Variants in CAMTA1 observed in about 807,000 individuals in gnomAD.
CAMTA1 encodes the protein calmodulin binding transcription activator 1.
CAMTA1 carries 27 observed loss-of-function variants against 170.9 expected under a neutral mutation model. The observed-to-expected ratio is 0.16, with a 90% CI of 0.12 to 0.22. The LOEUF (loss-of-function observed/expected upper bound fraction) is 0.22. Among genes scored for constraint, CAMTA1 ranks in the 10% least tolerant of loss-of-function variants. CAMTA1 has a pLI of 1.00. For missense variants in CAMTA1, 1,619 were observed against 2,217.2 expected (o/e 0.73, Z 5.42); for synonymous variants, 833 against 891.5 (o/e 0.93, Z 1.17).
chr1:7,599,227 T>G (rs1048692226), intron 6 of CAMTA1, among the ~76,000 whole-genome samples: 1 of 152,208 alleles, frequency 6.6e-6, no homozygotes, highest in Non-Finnish European at 1.5e-5. Flanking sequence ...TTTTGTCAGG[T>G]TTGTCAAAGG....
chr1:7,455,645 A>T lies in CAMTA1; in HGVS notation c.439-12185A>T, dbSNP rs2092932687. 6.6e-6 allele frequency among the ~76,000 whole-genome samples: 1 copy of T among 152,188 alleles called. No individual in the cohort carries two copies. The highest frequency in any genetic ancestry group is 1.5e-5 in the Non-Finnish European group (1 of 68,036). ...CCGCACATGTTGGAGTGTGCCGTGGATACCTACGTGGCGTCACAGGTGCCT... is the reference window on the plus strand; with the variant it reads ...CCGCACATGTTGGAGTGTGCCGTGGTTACCTACGTGGCGTCACAGGTGCCT... On this transcript the variant is annotated intron_variant, in intron 5 of 22. Coordinates refer to ENST00000303635, the MANE Select transcript of CAMTA1 (RefSeq NM_015215.4). This position sits in a 1 kb window ranked among gnomAD's most constrained non-coding sequence, Gnocchi z 5.0.
chr1:7,114,084 T>G (rs1012374840), intron 4 of CAMTA1, among the ~76,000 whole-genome samples: 11 of 152,206 alleles, frequency 7.2e-5, no homozygotes, highest in African/African-American at 2.7e-4. Flanking sequence ...AGATTTGACC[T>G]TGTAGGTTCA....
At chr1:7,240,349 T>C (rs971734132) in intron 4 of CAMTA1, among the ~76,000 whole-genome samples, 1 of 152,112 alleles carries the variant, frequency 6.6e-6, no homozygotes, top group Non-Finnish European at 1.5e-5. Context: ...TTCAAAATAA[T>C]GTATTGGGTC....
intron 5 of CAMTA1, among the ~76,000 whole-genome samples, chr1:7,310,657 T>C (rs1676426811): frequency 1.6e-5 from 1 of 62,230 alleles, no homozygotes; most frequent in African/African-American, 8.6e-5. Flanking sequence ...TTTTCTTTCT[T>C]TCTTTCTTTC....
chr1:7,638,924 T>C (rs1264108267), intron 6 of CAMTA1, among the ~76,000 whole-genome samples: 1 of 152,100 alleles, frequency 6.6e-6, no homozygotes, highest in Non-Finnish European at 1.5e-5. Context: ...AGGACATTCT[T>C]AATAAGATGT....
At chr1:6,926,438 C>CTTTCTTTCTT (rs1314065060) in intron 3 of CAMTA1, among the ~76,000 whole-genome samples, 5 of 126,086 alleles carry the variant, frequency 4.0e-5, no homozygotes, top group Admixed American at 1.7e-4. Flanking sequence ...TCTTTCTTTT[C>CTTTCTTTCTT]TCTTTCTTTC....
intron 5 of CAMTA1, among the ~76,000 whole-genome samples, chr1:7,432,505 T>C: frequency 6.6e-6 from 1 of 152,110 alleles, no homozygotes; most frequent in Middle Eastern, 3.4e-3. Context: ...AGAAGACAAG[T>C]GAGAGGTGGC....
chr1:7,069,345 G>T (rs1638291116), intron 3 of CAMTA1, among the ~76,000 whole-genome samples: 1 of 152,206 alleles, frequency 6.6e-6, no homozygotes, highest in African/African-American at 2.4e-5. Context: ...CACACAGCTT[G>T]TAAGTGGTGG....
chr1:7,270,291 A>ATTTTTT (rs34768255), intron 5 of CAMTA1, among the ~76,000 whole-genome samples: 2,906 of 110,410 alleles, frequency 0.026, 97 homozygotes, highest in Middle Eastern at 0.055. Context: ...ATATATATAT[A>ATTTTTT]TTTTTTTTTT....
At chr1:6,924,946 T>C (rs1682796717) in intron 3 of CAMTA1, among the ~76,000 whole-genome samples, 1 of 152,190 alleles carries the variant, frequency 6.6e-6, no homozygotes, top group Non-Finnish European at 1.5e-5. Context: ...GTAGCTTTCT[T>C]GGATATGGTT....
chr1:7,704,826 G>A (rs2096490294), intron 11 of CAMTA1, among the ~76,000 whole-genome samples: 2 of 147,844 alleles, frequency 1.4e-5, no homozygotes, highest in South Asian at 4.2e-4. Context: ...GGCCGGGCGG[G>A]GCGCGGGAGC....
chr1:7,042,221 T>A (rs1291570760), intron 3 of CAMTA1, among the ~76,000 whole-genome samples: 1 of 152,140 alleles, frequency 6.6e-6, no homozygotes, highest in Non-Finnish European at 1.5e-5. Flanking sequence ...TTCCTTTCAG[T>A]CTCCAGAATG....
chr1:6,877,623 G>A (rs988386273), intron 3 of CAMTA1, among the ~76,000 whole-genome samples: 2 of 152,142 alleles, frequency 1.3e-5, no homozygotes, highest in Non-Finnish European at 1.5e-5. Context: ...AGAATTAGAC[G>A]AGATTTTCCA....
At chr1:7,516,418 G>A (rs2094287082) in intron 6 of CAMTA1, among the ~76,000 whole-genome samples, 1 of 152,190 alleles carries the variant, frequency 6.6e-6, no homozygotes, top group Admixed American at 6.5e-5. Context: ...AGGGCAGCTG[G>A]GGCAGCCAGG....
intron 4 of CAMTA1, among the ~76,000 whole-genome samples, chr1:7,189,266 G>C (rs1654063966): frequency 6.6e-6 from 1 of 152,122 alleles, no homozygotes; most frequent in African/African-American, 2.4e-5. Flanking sequence ...CACAGAGATT[G>C]GAAAATACCA....
chr1:7,664,830 C>T lies in CAMTA1; in HGVS notation c.2283C>T (p.Ser761=). ...SLGNASNMEL[S]LDHFDISFSN... is the part of the protein sequence containing the mutation. ...GCAACGCCTCCAACATGGAGCTCAG[C>T]CTGGACCACTTTGACATCTCCTTCA... The change falls in exon 9 of 23, where the codon AGC becomes AGT. Residue 761 remains serine, a synonymous_variant. Coordinates refer to ENST00000303635, the MANE Select transcript of CAMTA1 (RefSeq NM_015215.4). 1 of 1,613,554 alleles carries T rather than the reference C, an allele frequency of 6.2e-7. No homozygotes were observed. The highest frequency in any genetic ancestry group is 8.5e-7 in the Non-Finnish European group (1 of 1,180,026).
At chr1:7,431,166 C>A (rs1026637990) in intron 5 of CAMTA1, among the ~76,000 whole-genome samples, 2 of 152,190 alleles carry the variant, frequency 1.3e-5, no homozygotes, top group Non-Finnish European at 2.9e-5. Context: ...TCAGAGATGC[C>A]TTCTCAGCCT....
At chr1:6,790,678 C>A (rs1252044189) in intron 1 of CAMTA1, among the ~76,000 whole-genome samples, 7 of 151,982 alleles carry the variant, frequency 4.6e-5, no homozygotes. Flanking sequence ...GAATTATATC[C>A]AAATTTAATA....
chr1:7,618,306 C>T (rs1240264434), intron 6 of CAMTA1, among the ~76,000 whole-genome samples: 1 of 152,216 alleles, frequency 6.6e-6, no homozygotes, highest in Admixed American at 6.5e-5. Flanking sequence ...CAAGCCAGAC[C>T]AGATTCCACC....
Sources: allele counts gnomAD v4.1 joint callset (sites outside exome capture counted in the v4.1 genomes callset), GRCh38; gene constraint gnomAD v4.1.1; non-coding constraint Gnocchi (gnomAD v3.1); transcripts MANE v1.5; gene names NCBI Gene and HGNC (gene_info 2026-07-23, HGNC 2026-07-21).